The following MLXIPL variants were observed in gnomAD, a reference collection of about 807,000 sequenced individuals.
The protein encoded by MLXIPL is carbohydrate-responsive element-binding protein.
Under a neutral mutation model 81.5 loss-of-function variants are expected in MLXIPL, and 49 were observed. That is an observed-to-expected ratio of 0.60 (90% CI 0.48 to 0.76). The LOEUF is 0.76. Among genes scored for constraint, MLXIPL ranks in the 30% least tolerant of loss-of-function variants. The probability of loss-of-function intolerance (pLI) is 0.00; values close to 1 mark genes in which losing one functional copy is unlikely to be tolerated. For missense variants in MLXIPL, 1,053 were observed against 1,167.0 expected, an observed-to-expected ratio of 0.90 and a Z score of 1.42; for synonymous variants, 466 against 485.5, an observed-to-expected ratio of 0.96 and a Z score of 0.53.
intron 7 of MLXIPL, among the ~76,000 whole-genome samples, chr7:73,601,518 G>A (rs1554596246): frequency 6.6e-6 from 1 of 151,990 alleles, no homozygotes; most frequent in Admixed American, 6.6e-5. Context: ...ATGCCAGGGT[G>A]GGAAAGGGGT....
the MLXIPL span, among the ~76,000 whole-genome samples, chr7:73,635,484 C>T: frequency 6.6e-6 from 1 of 152,090 alleles, no homozygotes; most frequent in African/African-American, 2.4e-5. Flanking sequence ...ACAATCTGTC[C>T]ATTCACCTTA....
the MLXIPL span, among the ~76,000 whole-genome samples, chr7:73,633,614 A>G: frequency 4.1e-3 from 628 of 151,890 alleles, 4 homozygotes; most frequent in Non-Finnish European, 4.6e-3. Context: ...CCACCATGCC[A>G]GGCTAATTTT....
Position 73,596,736 on chromosome 7 carries a change from A to AGGGGCC in MLXIPL, c.1719_1724dup (p.Ala574_Pro575dup). On this transcript the variant is annotated inframe_insertion, in exon 11 of 17. Coordinates refer to ENST00000313375, the MANE Select transcript of MLXIPL (RefSeq NM_032951.3). The surrounding 1 kb of genome is among the most constrained non-coding windows in gnomAD (Gnocchi z 4.7). ...GGCCTGGAGGTGGCCGGGGCGGTGT[A>AGGGGCC]GGGGCCGGGGTCGGGGGAAGGAATG... 1 of 1,594,836 alleles carries AGGGGCC rather than the reference A, an allele frequency of 6.3e-7. No homozygotes were observed.
upstream of MLXIPL, chr7:73,624,718 T>A: frequency 1.9e-6 from 1 of 526,140 alleles, no homozygotes; most frequent in Non-Finnish European, 2.4e-6. Context: ...CCGTCTTTCC[T>A]TGGAGTCCTG....
rs782609622 is a variant in MLXIPL, at chr7:73,599,572, G to C, written c.1025C>G (p.Pro342Arg). 1.2e-6 allele frequency: 2 copies of C among 1,610,974 alleles called. No homozygotes were observed. Among genetic ancestry groups the C allele is most frequent in the Non-Finnish European group, 1.7e-6 (2 of 1,177,866 alleles). The change falls in exon 8 of 17, where the codon CCG becomes CGG. Residue 342 changes from proline (P) to arginine (R), a missense_variant. Pro to Arg is a moderately radical substitution (Grantham distance 103). Around this residue, in one of 3 missense-constraint regions of MLXIPL, gnomAD observed 823 missense variants for 933.0 expected, o/e 0.88. Transcript: ENST00000313375. ...SSGTLGPEVP[P>R]ASSAMTHLSG... ...GAGGTGGGTCATGGCCGAGGAAGCC[G>C]GGGGCACCTCTGGGCCCAGGGTCCC...
Position 73,593,306 on chromosome 7 carries a change from C to T in MLXIPL, c.*559G>A, listed in dbSNP as rs1481965936. 2 of 198,518 alleles carry T rather than the reference C, an allele frequency of 1.0e-5. No individual in the cohort carries two copies. Among genetic ancestry groups the T allele is most frequent in the Admixed American group, 5.3e-5 (1 of 18,920 alleles). The allele number at this position is 198,518 out of a possible 1,614,324, so 12.3% of individuals were successfully genotyped here. ...CCTGCCCTGCTGTGGTCACTCTGGCCCTGGTGTCTCCTGGGATCAGGCCCT... is the reference window on the plus strand; with the variant it reads ...CCTGCCCTGCTGTGGTCACTCTGGCTCTGGTGTCTCCTGGGATCAGGCCCT... On this transcript the variant is annotated 3_prime_UTR_variant, in exon 17 of 17. Coordinates refer to ENST00000313375, the MANE Select transcript of MLXIPL (RefSeq NM_032951.3).
At chr7:73,639,750 C>T in the MLXIPL span, among the ~76,000 whole-genome samples, 93 of 152,222 alleles carry the variant, frequency 6.1e-4, no homozygotes, top group African/African-American at 2.2e-3. Context: ...AACTAAGATG[C>T]AATGCTAATT....
At chr7:73,633,094 T>A in the MLXIPL span, among the ~76,000 whole-genome samples, 17 of 148,372 alleles carry the variant, frequency 1.1e-4, no homozygotes, top group African/African-American at 3.7e-4. Flanking sequence ...TTTTTTTTTT[T>A]ATTTGAGATG....
the MLXIPL span, among the ~76,000 whole-genome samples, chr7:73,638,725 C>T: frequency 9.6e-3 from 1,465 of 152,136 alleles, 18 homozygotes; most frequent in African/African-American, 0.033. Flanking sequence ...AGGGTTCAAG[C>T]GATTCTCCTG....
chr7:73,616,843 C>T (rs1369024541), intron 1 of MLXIPL, among the ~76,000 whole-genome samples: 8 of 127,500 alleles, frequency 6.3e-5, no homozygotes, highest in Non-Finnish European at 1.1e-4. Context: ...AGTGAAACTC[C>T]GTCTCAAAAA....
chr7:73,632,810 T>A, the MLXIPL span, among the ~76,000 whole-genome samples: 1 of 146,854 alleles, frequency 6.8e-6, no homozygotes, highest in Non-Finnish European at 1.5e-5. Context: ...GACGGAGTCT[T>A]GCTCTGTTGC....
rs1554592751 is a variant in MLXIPL at position 73,593,970 on chromosome 7, G to A, written c.2454C>T (p.Ser818=). 1.9e-6 allele frequency: 3 copies of A among 1,613,974 alleles called. No individual in the cohort carries two copies. The highest frequency in any genetic ancestry group is 1.1e-5 in the South Asian group (1 of 91,080). Residue 818 remains serine (S), a synonymous_variant, in exon 17 of 17, where the codon TCC becomes TCT. Transcript: ENST00000313375. ...TGGTAGATGTGCCCAGCTGGCGTAG[G>A]GAGTTCAGGACAGCTGGGTGGGAGA... ...LPALRPTVLN[S]LRQLGTSTSI...
upstream of MLXIPL, among the ~76,000 whole-genome samples, chr7:73,627,728 A>T (rs1796775119): frequency 6.6e-6 from 1 of 152,086 alleles, no homozygotes. Context: ...GGGATGCTTG[A>T]AGAAAGGGGC....
Position 73,597,679 on chromosome 7 carries a change from C to G in MLXIPL, c.1106G>C (p.Ser369Thr). Reference protein sequence around the residue: ...RNSCPGPLDSSAFLSSDFLLP... With the variant: ...RNSCPGPLDSTAFLSSDFLLP... ...GAGGAAATCAGAACTCAGGAAGGCGCTGGAGTCCAAGGGGCCAGGGCAGCT... is the reference window on the plus strand; with the variant it reads ...GAGGAAATCAGAACTCAGGAAGGCGGTGGAGTCCAAGGGGCCAGGGCAGCT... Residue 369 changes from serine to threonine, a missense_variant, in exon 9 of 17, where the codon AGC (serine) becomes ACC (threonine). Transcript: ENST00000313375. 7.3e-7 allele frequency: 1 copy of G among 1,372,638 alleles called. No homozygotes were observed. The highest frequency in any genetic ancestry group is 9.4e-7 in the Non-Finnish European group (1 of 1,067,216). 85.0% of individuals were successfully genotyped at this position (1,372,638 alleles called of 1,614,324 possible).
At chr7:73,627,694 C>T (rs1177849438), upstream of MLXIPL, among the ~76,000 whole-genome samples, 4 of 152,124 alleles carry the variant, frequency 2.6e-5, no homozygotes, top group Non-Finnish European at 4.4e-5. Context: ...TCTGAACCCC[C>T]ACACTGGGTA....
intron 7 of MLXIPL, among the ~76,000 whole-genome samples, chr7:73,602,130 G>GCCTTCCTGCCTT (rs1563487261): frequency 1.2e-5 from 1 of 80,508 alleles, no homozygotes; most frequent in Non-Finnish European, 2.4e-5. Context: ...CTGCCTGCCT[G>GCCTTCCTGCCTT]CCTTCCTTCC....
the MLXIPL span, among the ~76,000 whole-genome samples, chr7:73,647,204 C>G: frequency 2.0e-5 from 3 of 152,334 alleles, no homozygotes; most frequent in East Asian, 5.8e-4. Context: ...GGAGTGCCGG[C>G]CACCACTTCT....
At chr7:73,631,747 C>G in the MLXIPL span, among the ~76,000 whole-genome samples, 1 of 148,442 alleles carries the variant, frequency 6.7e-6, no homozygotes, top group Non-Finnish European at 1.5e-5. Context: ...TCCTTCCTCT[C>G]TCCCCTTCTC....
chr7:73,639,829 C>T, the MLXIPL span, among the ~76,000 whole-genome samples: 2 of 151,556 alleles, frequency 1.3e-5, no homozygotes, highest in Non-Finnish European at 1.5e-5. Flanking sequence ...GAGGCTGAGG[C>T]GGGTGGATCA....
Sources: allele counts gnomAD v4.1 joint callset (sites outside exome capture counted in the v4.1 genomes callset), GRCh38; gene constraint gnomAD v4.1.1; regional missense constraint gnomAD v4.1.1; non-coding constraint Gnocchi (gnomAD v3.1); transcripts MANE v1.5; gene names NCBI Gene and HGNC (gene_info 2026-07-23, HGNC 2026-07-21).